Variants in UNC5D observed in about 807,000 individuals in gnomAD.
The protein encoded by UNC5D is unc-5 netrin receptor D.
UNC5D carries 39 observed loss-of-function variants against 105.4 expected under a neutral mutation model. That is an observed-to-expected ratio of 0.37 (90% CI 0.29 to 0.48). The LOEUF is 0.48. Among genes scored for constraint, UNC5D ranks in the 20% least tolerant of loss-of-function variants. The probability of loss-of-function intolerance (pLI) is 0.98; values close to 1 mark genes in which losing one functional copy is unlikely to be tolerated. For synonymous variants in UNC5D, 452 were observed against 450.4 expected (o/e 1.00, Z -0.04); for missense variants, 991 against 1,202.4 (o/e 0.82, Z 2.60).
intron 3 of UNC5D, among the ~76,000 whole-genome samples, chr8:35,574,947 C>T (rs1277803825): frequency 6.6e-6 from 1 of 152,116 alleles, no homozygotes; most frequent in African/African-American, 2.4e-5. Flanking sequence ...CAAGGGCCAT[C>T]TTGCATGCTG....
At chr8:35,669,520 C>T (rs1413978384) in intron 4 of UNC5D, among the ~76,000 whole-genome samples, 1 of 151,994 alleles carries the variant, frequency 6.6e-6, no homozygotes, top group Non-Finnish European at 1.5e-5. Context: ...CTATTTTACC[C>T]CCTAATTCCT....
chr8:35,660,556 C>G (rs189179838), intron 4 of UNC5D, among the ~76,000 whole-genome samples: 74 of 152,270 alleles, frequency 4.9e-4, no homozygotes, highest in African/African-American at 1.7e-3. Flanking sequence ...GTATGCAGAA[C>G]CAAAGGCACC....
chr8:35,537,257 C>T (rs990524707), intron 1 of UNC5D, among the ~76,000 whole-genome samples: 3 of 151,992 alleles, frequency 2.0e-5, no homozygotes, highest in Non-Finnish European at 2.9e-5. Context: ...GTATACTAAG[C>T]AATTAATATT....
intron 1 of UNC5D, among the ~76,000 whole-genome samples, chr8:35,529,843 G>A (rs1814203685): frequency 1.3e-5 from 2 of 148,202 alleles, no homozygotes; most frequent in African/African-American, 5.0e-5. Flanking sequence ...TGATTTGGCT[G>A]TTTGTCTGTT....
At chr8:35,726,781 C>A in intron 10 of UNC5D, 1 of 554,440 alleles carries the variant, frequency 1.8e-6, no homozygotes, top group Non-Finnish European at 3.1e-6. Context: ...ACTATATTTG[C>A]CTGAAAGGTT....
At chr8:35,616,024 T>C (rs1355291923) in intron 4 of UNC5D, among the ~76,000 whole-genome samples, 2 of 152,252 alleles carry the variant, frequency 1.3e-5, no homozygotes, top group African/African-American at 4.8e-5. Context: ...ACTCATTTAA[T>C]ATATACATCC....
Position 35,568,240 on chromosome 8 carries a change from C to T in UNC5D, c.465C>T (p.Ala155=). The T allele has an allele frequency of 6.2e-7, 1 of 1,613,666 alleles. No individual in the cohort carries two copies. The highest frequency in any genetic ancestry group is 8.5e-7 in the Non-Finnish European group (1 of 1,179,796). The change falls in exon 3 of 17, where the codon GCC becomes GCT. Residue 155 remains alanine (A), a splice_region_variant and synonymous_variant. Transcript: ENST00000404895. ...GCAGGAAGGCCTCTGTGCGCATAGC[C>T]TGTAAGTACATTCTGGGTGACCTTG... ...SKSRKASVRI[A]YLRKNFEQDP...
intron 1 of UNC5D, among the ~76,000 whole-genome samples, chr8:35,514,915 A>T (rs896128938): frequency 2.6e-5 from 4 of 152,110 alleles, no homozygotes; most frequent in Non-Finnish European, 5.9e-5. Flanking sequence ...CAAATATTTG[A>T]TGAGAAGGAT....
At chr8:35,265,187 T>A (rs1273848060) in intron 1 of UNC5D, among the ~76,000 whole-genome samples, 3 of 140,598 alleles carry the variant, frequency 2.1e-5, no homozygotes, top group Non-Finnish European at 4.9e-5. Context: ...ACTCTTAGGT[T>A]ATATTAAGAC....
At chr8:35,677,972 ATGTGTCTGTG>A (rs1825381078) in intron 4 of UNC5D, among the ~76,000 whole-genome samples, 2 of 151,278 alleles carry the variant, frequency 1.3e-5, no homozygotes, top group Admixed American at 1.3e-4. Flanking sequence ...ACGTGTGTGT[ATGTGTCTGTG>A]TGTGTGTGTA....
At chr8:35,389,404 G>T (rs1293140472) in intron 1 of UNC5D, among the ~76,000 whole-genome samples, 1 of 152,138 alleles carries the variant, frequency 6.6e-6, no homozygotes, top group Non-Finnish European at 1.5e-5. Flanking sequence ...TCAAGGTAAT[G>T]CAGATGCTGC....
chr8:35,461,609 A>G (rs1808900909), intron 1 of UNC5D, among the ~76,000 whole-genome samples: 1 of 152,176 alleles, frequency 6.6e-6, no homozygotes, highest in Admixed American at 6.5e-5. Context: ...ACCTTTTAGC[A>G]TTGTAGGAGG....
At chr8:35,445,924 C>T (rs1268509902) in intron 1 of UNC5D, among the ~76,000 whole-genome samples, 1 of 151,952 alleles carries the variant, frequency 6.6e-6, no homozygotes, top group Middle Eastern at 3.4e-3. Context: ...AACTGGTGGC[C>T]ATTATGATGA....
At chr8:35,278,723 T>C (rs1223613953) in intron 1 of UNC5D, among the ~76,000 whole-genome samples, 1 of 152,146 alleles carries the variant, frequency 6.6e-6, no homozygotes, top group African/African-American at 2.4e-5. Flanking sequence ...CTTGTTTTTC[T>C]GGTGATGACA....
intron 8 of UNC5D, among the ~76,000 whole-genome samples, chr8:35,719,187 C>CACACACACA (rs66855470): frequency 2.7e-5 from 4 of 147,540 alleles, no homozygotes; most frequent in African/African-American, 2.6e-5. Context: ...CACACACACA[C>CACACACACA]GACTTTCTCC....
chr8:35,383,999 A>G (rs1803211008), intron 1 of UNC5D, among the ~76,000 whole-genome samples: 1 of 152,124 alleles, frequency 6.6e-6, no homozygotes, highest in Non-Finnish European at 1.5e-5. Context: ...GTAGATCACA[A>G]GGTCAGGAGA....
At chr8:35,650,705 C>T (rs1243294649) in intron 4 of UNC5D, among the ~76,000 whole-genome samples, 1 of 152,096 alleles carries the variant, frequency 6.6e-6, no homozygotes, top group Non-Finnish European at 1.5e-5. Context: ...CTTCTGACCT[C>T]AGGTGATCCG....
At chr8:35,450,370 C>T (rs1332078813) in intron 1 of UNC5D, among the ~76,000 whole-genome samples, 1 of 152,132 alleles carries the variant, frequency 6.6e-6, no homozygotes, top group Non-Finnish European at 1.5e-5. Flanking sequence ...ACTGTATGCT[C>T]ACCGAGGTTT....
intron 1 of UNC5D, among the ~76,000 whole-genome samples, chr8:35,358,478 G>A (rs551350681): frequency 6.6e-6 from 1 of 152,110 alleles, no homozygotes; most frequent in Non-Finnish European, 1.5e-5. Context: ...ACATACTGAG[G>A]CCTGTTTAGT....
Sources: gnomAD v4.1 joint callset for allele counts (sites outside exome capture counted in the v4.1 genomes callset) on GRCh38, gnomAD v4.1.1 for gene constraint, MANE v1.5 for transcripts, NCBI Gene and HGNC (gene_info 2026-07-23, HGNC 2026-07-21) for gene names.